The following KLHL6 variants were observed in gnomAD, a reference collection of about 807,000 sequenced individuals.
The protein encoded by KLHL6 is kelch like family member 6, also known as kelch-like protein 6.
Under a neutral mutation model 58.6 loss-of-function variants are expected in KLHL6, and 41 were observed. That is an observed-to-expected ratio of 0.70 (90% CI 0.55 to 0.91). The LOEUF (loss-of-function observed/expected upper bound fraction) is 0.91. KLHL6 is among the 40% of genes least tolerant of loss of function. KLHL6 has a pLI of 0.00. For synonymous variants in KLHL6, 338 were observed against 322.7 expected, an observed-to-expected ratio of 1.05 and a Z score of -0.51; for missense variants, 714 against 805.6, an observed-to-expected ratio of 0.89 and a Z score of 1.38.
At chr3:183,548,172 C>T (rs1000778922) in intron 1 of KLHL6, among the ~76,000 whole-genome samples, 1 of 152,194 alleles carries the variant, frequency 6.6e-6, no homozygotes, top group East Asian at 1.9e-4. Context: ...AGACAGTGCG[C>T]TCTGAAAATA....
chr3:183,528,323 C>T (rs933776049), intron 1 of KLHL6, among the ~76,000 whole-genome samples: 3 of 152,208 alleles, frequency 2.0e-5, no homozygotes, highest in African/African-American at 4.8e-5. Context: ...AATCCCCAAG[C>T]TTCATCTTTT....
rs1367673441 is a variant in KLHL6 at position 183,531,441 on chromosome 3, G to GTATT, written c.294-3432_294-3431insAATA. Among the ~76,000 whole-genome samples, 52 of 102,098 alleles carry GTATT rather than the reference G, an allele frequency of 5.1e-4. 4 individuals carry two copies. Among genetic ancestry groups the GTATT allele is most frequent in the Non-Finnish European group, 7.0e-4 (32 of 45,834 alleles). 67.0% of individuals were successfully genotyped at this position (102,098 alleles called of 152,430 possible). ...CCTTCTTTCTGTTCTTTTTTTGTCT[G>GTATT]TGTTTTTTTTTTTTTTTTTTTTTTT... On this transcript the variant is annotated intron_variant, in intron 1 of 6. Coordinates refer to ENST00000341319, the MANE Select transcript of KLHL6 (RefSeq NM_130446.4).
intron 2 of KLHL6, among the ~76,000 whole-genome samples, chr3:183,510,622 C>G (rs1718155160): frequency 6.6e-6 from 1 of 152,132 alleles, no homozygotes; most frequent in African/African-American, 2.4e-5. Flanking sequence ...CGCCTGTAAT[C>G]CCAGCACTTT....
At chr3:183,509,296 T>C (rs1386992963) in intron 2 of KLHL6, among the ~76,000 whole-genome samples, 4 of 152,248 alleles carry the variant, frequency 2.6e-5, no homozygotes, top group Non-Finnish European at 5.9e-5. Flanking sequence ...GCCATAATGG[T>C]TTCATGTTTA....
In KLHL6 at chr3:183,492,585, A is replaced by G; in HGVS notation, c.1473T>C (p.Pro491=). 1.2e-6 allele frequency: 2 copies of G among 1,614,236 alleles called. No homozygotes were observed. Among genetic ancestry groups the G allele is most frequent in the East Asian group, 2.2e-5 (1 of 44,882 alleles). Residue 491 remains proline (P), a synonymous_variant, in exon 6 of 7, where the codon CCT becomes CCC. Coordinates refer to ENST00000341319, the MANE Select transcript of KLHL6 (RefSeq NM_130446.4). This position sits in a 1 kb window ranked among gnomAD's most constrained non-coding sequence, Gnocchi z 5.9. ...CCTTCAAACTCCACTTGTTGGTGGA[A>G]GGGTCATAACACTGAGTCTTGTCTG... ...LATDKTQCYD[P]STNKWSLKAA...
rs908916684 is a variant in KLHL6 at position 183,492,385 on chromosome 3, G to A, written c.1564+109C>T. ...TCCTGAAAGCCAGAGTGGGTCCTAGGGGCAGTGAGTTGCCAGCGCTGGAGA... is the reference window on the plus strand; with the variant it reads ...TCCTGAAAGCCAGAGTGGGTCCTAGAGGCAGTGAGTTGCCAGCGCTGGAGA... On this transcript the variant is annotated intron_variant, in intron 6 of 6. Transcript: ENST00000341319. This position sits in a 1 kb window ranked among gnomAD's most constrained non-coding sequence, Gnocchi z 5.9. 6.7e-6 allele frequency: 9 copies of A among 1,343,596 alleles called. No homozygotes were observed. The highest frequency in any genetic ancestry group is 8.3e-6 in the Non-Finnish European group (8 of 968,268). The allele number at this position is 1,343,596 out of a possible 1,614,324, so 83.2% of individuals were successfully genotyped here.
intron 2 of KLHL6, among the ~76,000 whole-genome samples, chr3:183,510,702 C>T (rs1255844513): frequency 6.6e-6 from 1 of 151,932 alleles, no homozygotes; most frequent in African/African-American, 2.4e-5. Flanking sequence ...TGGAGATACC[C>T]CGTCTCTACT....
rs756697734 is a variant in KLHL6 at position 183,555,356 on chromosome 3, C to G, written c.293+5G>C. On this transcript the variant is annotated splice_donor_5th_base_variant and intron_variant, in intron 1 of 6. Coordinates refer to ENST00000341319, the MANE Select transcript of KLHL6 (RefSeq NM_130446.4). ...CAATTTGACTCTGGTCCTAGGCATGCTGACCTGAAATAGTTGCTGGCTGCG... is the reference window on the plus strand; with the variant it reads ...CAATTTGACTCTGGTCCTAGGCATGGTGACCTGAAATAGTTGCTGGCTGCG... The G allele has an allele frequency of 1.2e-6, 2 of 1,612,924 alleles. No individual in the cohort carries two copies. Among genetic ancestry groups the G allele is most frequent in the Non-Finnish European group, 1.7e-6 (2 of 1,179,164 alleles).
At chr3:183,537,814 G>A (rs1328791336) in intron 1 of KLHL6, among the ~76,000 whole-genome samples, 3 of 152,048 alleles carry the variant, frequency 2.0e-5, no homozygotes, top group South Asian at 4.2e-4. Flanking sequence ...TCACCTCTTC[G>A]CTTCCTTTAT....
At position 183,499,996 on chromosome 3, in the gene KLHL6, G is replaced by C. The variant is rs988824607; in HGVS notation, c.910-169C>G. On this transcript the variant is annotated intron_variant, in intron 3 of 6. Transcript: ENST00000341319. The surrounding 1 kb of genome is among the most constrained non-coding windows in gnomAD (Gnocchi z 4.6). ...CATCTGTATAATCGGGATAGCAGAG[G>C]TAACTACCTCATAGGTGTGTTGTGA... 2.0e-5 allele frequency among the ~76,000 whole-genome samples: 3 copies of C among 152,184 alleles called. No homozygotes were observed. Among genetic ancestry groups the C allele is most frequent in the African/African-American group, 7.2e-5 (3 of 41,430 alleles).
At chr3:183,536,025 C>T (rs191136325) in intron 1 of KLHL6, among the ~76,000 whole-genome samples, 6 of 152,330 alleles carry the variant, frequency 3.9e-5, no homozygotes, top group Admixed American at 1.3e-4. Context: ...CTGCCCCCCT[C>T]GGGCTCCCAA....
Position 183,492,780 on chromosome 3 carries a change from C to G in KLHL6, c.1351-73G>C, listed in dbSNP as rs1717606649. 1 of 1,385,914 alleles carries G rather than the reference C, an allele frequency of 7.2e-7. No homozygotes were observed. Among genetic ancestry groups the G allele is most frequent in the Non-Finnish European group, 1.0e-6 (1 of 987,824 alleles). The allele number at this position is 1,385,914 out of a possible 1,614,324, so 85.9% of individuals were successfully genotyped here. On this transcript the variant is annotated intron_variant, in intron 5 of 6. Transcript: ENST00000341319. The surrounding 1 kb of genome is among the most constrained non-coding windows in gnomAD (Gnocchi z 5.9). Reference sequence around the variant, plus strand: ...GATTGCTGCAGTAGCTCCCAGGATACAGGACAGAGCTCCGGGACACAGAAC... The same window carrying G: ...GATTGCTGCAGTAGCTCCCAGGATAGAGGACAGAGCTCCGGGACACAGAAC...
chr3:183,498,642 G>A (rs1717779794), intron 4 of KLHL6, among the ~76,000 whole-genome samples: 2 of 152,226 alleles, frequency 1.3e-5, no homozygotes, highest in Admixed American at 1.3e-4. Context: ...TGTTATTAAA[G>A]TATAAATGTA....
rs1713025749 is a variant in KLHL6, at chr3:183,554,110, A to G, written c.293+1251T>C. 2.0e-5 allele frequency among the ~76,000 whole-genome samples: 3 copies of G among 152,216 alleles called. No individual in the cohort carries two copies. The South Asian group carries it at 6.2e-4, about 31-fold the overall frequency. On this transcript the variant is annotated intron_variant, in intron 1 of 6. Coordinates refer to ENST00000341319, the MANE Select transcript of KLHL6 (RefSeq NM_130446.4). ...AAGAATTCTAAGGGTATTTCTTTTCAAGTTCCCAAATACTTTCTTCATTAT... is the reference window on the plus strand; with the variant it reads ...AAGAATTCTAAGGGTATTTCTTTTCGAGTTCCCAAATACTTTCTTCATTAT...
intron 2 of KLHL6, chr3:183,520,882 C>G (rs917576649): frequency 6.6e-6 from 1 of 151,802 alleles, no homozygotes. Context: ...TGCAAAGAGG[C>G]CTTCCTCTTT....
Position 183,499,698 on chromosome 3 carries a change from G to A in KLHL6, c.1039C>T (p.Arg347Cys), listed in dbSNP as rs1362739388. 1.2e-6 allele frequency: 2 copies of A among 1,610,608 alleles called. No individual in the cohort carries two copies. Among genetic ancestry groups the A allele is most frequent in the Admixed American group, 1.7e-5 (1 of 59,246 alleles). Residue 347 changes from arginine (R) to cysteine (C), a missense_variant, in exon 4 of 7, where the codon CGC (arginine) becomes TGC (cysteine). Physicochemically the swap from Arg to Cys is radical, Grantham distance 180. Around this residue, in one of 2 missense-constraint regions of KLHL6, gnomAD observed 510 missense variants for 629.7 expected, o/e 0.81. Coordinates refer to ENST00000341319, the MANE Select transcript of KLHL6 (RefSeq NM_130446.4). The surrounding 1 kb of genome is among the most constrained non-coding windows in gnomAD (Gnocchi z 4.6). Reference sequence around the variant, plus strand: ...AGCGGGAGCTTGGCCACCTCCAGGCGGCTGCGCCTCAGGGGGTCCAGGCAG... The same window carrying A: ...AGCGGGAGCTTGGCCACCTCCAGGCAGCTGCGCCTCAGGGGGTCCAGGCAG... ...VTCLDPLRRS[R>C]LEVAKLPLTE... is the part of the protein sequence containing the mutation.
intron 4 of KLHL6, among the ~76,000 whole-genome samples, chr3:183,495,133 T>C (rs1038583130): frequency 1.3e-5 from 2 of 152,244 alleles, no homozygotes; most frequent in African/African-American, 4.8e-5. Context: ...TGAACATTAC[T>C]GACCACATTC....
intron 1 of KLHL6, among the ~76,000 whole-genome samples, chr3:183,542,771 A>G (rs1037642849): frequency 1.3e-5 from 2 of 152,184 alleles, no homozygotes; most frequent in African/African-American, 4.8e-5. Flanking sequence ...CAGGTCAAGC[A>G]GGAACCATAA....
intron 2 of KLHL6, among the ~76,000 whole-genome samples, chr3:183,524,876 C>T (rs1284618150): frequency 6.6e-6 from 1 of 152,212 alleles, no homozygotes; most frequent in African/African-American, 2.4e-5. Flanking sequence ...AAAATGCCAT[C>T]ACTGGCACAC....
Sources: allele counts gnomAD v4.1 joint callset (sites outside exome capture counted in the v4.1 genomes callset), GRCh38; gene constraint gnomAD v4.1.1; regional missense constraint gnomAD v4.1.1; non-coding constraint Gnocchi (gnomAD v3.1); transcripts MANE v1.5; gene names NCBI Gene and HGNC (gene_info 2026-07-23, HGNC 2026-07-21).